The following MLLT3 variants were observed in gnomAD, a reference collection of about 807,000 sequenced individuals.
The protein encoded by MLLT3 is MLLT3 super elongation complex subunit, also known as protein AF-9.
In MLLT3, 4 loss-of-function variants were observed where a neutral mutation model predicts 53.2. The observed-to-expected ratio is 0.08, with a 90% CI of 0.04 to 0.17. The LOEUF is 0.17. Among genes scored for constraint, MLLT3 ranks in the 10% least tolerant of loss-of-function variants. The probability of loss-of-function intolerance (pLI) is 1.00; values close to 1 mark genes in which losing one functional copy is unlikely to be tolerated. For synonymous variants in MLLT3, 283 were observed against 230.6 expected (o/e 1.23, Z -2.06); for missense variants, 569 against 684.0 (o/e 0.83, Z 1.87).
chr9:20,520,946 C>T (rs781428433), intron 2 of MLLT3, among the ~76,000 whole-genome samples: 1 of 152,132 alleles, frequency 6.6e-6, no homozygotes, highest in Non-Finnish European at 1.5e-5. Context: ...GTGGAAAAGG[C>T]AGGATTTCTT....
At chr9:20,535,097 G>A (rs1261887301) in intron 2 of MLLT3, among the ~76,000 whole-genome samples, 2 of 152,104 alleles carry the variant, frequency 1.3e-5, no homozygotes, top group African/African-American at 2.4e-5. Context: ...TAGGTACGGG[G>A]CCACACGGCA....
Position 20,619,826 on chromosome 9 carries a change from T to G in MLLT3, c.193+828A>C, listed in dbSNP as rs79455049. 2.6e-5 allele frequency among the ~76,000 whole-genome samples: 4 copies of G among 152,300 alleles called. No individual in the cohort carries two copies. In the East Asian group the frequency reaches 7.7e-4, roughly 29 times the overall value. On this transcript the variant is annotated intron_variant, in intron 2 of 10. Coordinates refer to ENST00000380338, the MANE Select transcript of MLLT3 (RefSeq NM_004529.4). ...AATGTTTGGGACCACAGAGGCCCAG[T>G]AGGATTATGCAAACTAGACTCCAAG...
rs989407425 is a variant in MLLT3 at position 20,365,850 on chromosome 9, T to G, written c.1126-106A>C. ...AAACCATCCTCTGCAAAAACCGTGA[T>G]GCATTTCATTATGTCAAATTACTAA... On this transcript the variant is annotated intron_variant, in intron 5 of 10. Transcript: ENST00000380338. The G allele has an allele frequency of 1.8e-5, 19 of 1,058,606 alleles. No individual in the cohort carries two copies. The Admixed American group carries it at 4.1e-4, about 23-fold the overall frequency. The allele number at this position is 1,058,606 out of a possible 1,614,324, so 65.6% of individuals were successfully genotyped here.
At chr9:20,614,203 T>C (rs1369708879) in intron 2 of MLLT3, among the ~76,000 whole-genome samples, 2 of 152,186 alleles carry the variant, frequency 1.3e-5, no homozygotes, top group Non-Finnish European at 2.9e-5. Flanking sequence ...GAGACCAGCC[T>C]GGCCAACATG....
chr9:20,599,101 C>T (rs191102496), intron 2 of MLLT3, among the ~76,000 whole-genome samples: 4 of 152,142 alleles, frequency 2.6e-5, no homozygotes, highest in Admixed American at 1.3e-4. Context: ...GTCAAGAGAT[C>T]GAGACCATGC....
At chr9:20,366,762 T>G (rs907511723) in intron 5 of MLLT3, among the ~76,000 whole-genome samples, 4 of 152,210 alleles carry the variant, frequency 2.6e-5, no homozygotes, top group African/African-American at 4.8e-5. Flanking sequence ...GATATCTCAT[T>G]GTGGTTTTGA....
chr9:20,467,407 G>A (rs946867475), intron 2 of MLLT3, among the ~76,000 whole-genome samples: 5 of 152,010 alleles, frequency 3.3e-5, no homozygotes, highest in Admixed American at 6.6e-5. Context: ...GTGAAACCCC[G>A]TCTCTACTAA....
At chr9:20,597,499 C>T (rs1356879352) in intron 2 of MLLT3, among the ~76,000 whole-genome samples, 2 of 152,122 alleles carry the variant, frequency 1.3e-5, no homozygotes, top group South Asian at 2.1e-4. Flanking sequence ...AACAAATTTA[C>T]CTTCATATAC....
At chr9:20,542,356 T>G (rs1381872963) in intron 2 of MLLT3, among the ~76,000 whole-genome samples, 1 of 151,192 alleles carries the variant, frequency 6.6e-6, no homozygotes, top group African/African-American at 2.4e-5. Flanking sequence ...GTTCACGCCA[T>G]TCTCCTGCCT....
At chr9:20,535,778 C>A (rs1818466907) in intron 2 of MLLT3, among the ~76,000 whole-genome samples, 1 of 152,140 alleles carries the variant, frequency 6.6e-6, no homozygotes. Context: ...ACATGTCCCA[C>A]ATCCTCAATG....
chr9:20,449,130 TATGTATGC>T (rs762822620), intron 3 of MLLT3, among the ~76,000 whole-genome samples: 1 of 152,186 alleles, frequency 6.6e-6, no homozygotes, highest in African/African-American at 2.4e-5. Flanking sequence ...TCTCCTCTAC[TATGTATGC>T]ATCTTTCTCT....
chr9:20,350,558 G>A (rs1820993460), intron 10 of MLLT3, among the ~76,000 whole-genome samples: 1 of 143,310 alleles, frequency 7.0e-6, no homozygotes, highest in South Asian at 2.2e-4. Flanking sequence ...TCCCGCCACT[G>A]CACTCCAGCC....
chr9:20,597,608 C>G (rs905872050), intron 2 of MLLT3, among the ~76,000 whole-genome samples: 2 of 152,182 alleles, frequency 1.3e-5, no homozygotes, highest in Non-Finnish European at 2.9e-5. Context: ...TTCCATAACT[C>G]TTCTGAACAC....
At chr9:20,554,038 T>C (rs1818994451) in intron 2 of MLLT3, among the ~76,000 whole-genome samples, 1 of 152,190 alleles carries the variant, frequency 6.6e-6, no homozygotes, top group South Asian at 2.1e-4. Flanking sequence ...GACTAGTTTC[T>C]TCCACATAAG....
chr9:20,459,241 T>C (rs541484255), intron 2 of MLLT3, among the ~76,000 whole-genome samples: 1 of 152,226 alleles, frequency 6.6e-6, no homozygotes, highest in East Asian at 1.9e-4. Flanking sequence ...CAAACTGACA[T>C]CCGAAGAAGT....
chr9:20,540,759 C>T (rs182576215), intron 2 of MLLT3, among the ~76,000 whole-genome samples: 32 of 152,358 alleles, frequency 2.1e-4, no homozygotes, highest in Non-Finnish European at 1.5e-4. Context: ...AATGTCTTGG[C>T]TATTAACATT....
intron 2 of MLLT3, among the ~76,000 whole-genome samples, chr9:20,468,190 T>G (rs1824283048): frequency 6.6e-6 from 1 of 152,184 alleles, no homozygotes; most frequent in African/African-American, 2.4e-5. Context: ...AAACTAGAAA[T>G]CACTCAGTTA....
At chr9:20,555,390 A>T (rs1485914343) in intron 2 of MLLT3, among the ~76,000 whole-genome samples, 1 of 152,136 alleles carries the variant, frequency 6.6e-6, no homozygotes, top group Non-Finnish European at 1.5e-5. Flanking sequence ...TCCTGGGTTC[A>T]AACAGTTCTC....
At chr9:20,586,066 C>A (rs1819950861) in intron 2 of MLLT3, among the ~76,000 whole-genome samples, 1 of 152,094 alleles carries the variant, frequency 6.6e-6, no homozygotes, top group Non-Finnish European at 1.5e-5. Context: ...ATCTGTAATC[C>A]TAGCACTTCG....
Sources: gnomAD v4.1 joint callset for allele counts (sites outside exome capture counted in the v4.1 genomes callset) on GRCh38, gnomAD v4.1.1 for gene constraint, MANE v1.5 for transcripts, NCBI Gene and HGNC (gene_info 2026-07-23, HGNC 2026-07-21) for gene names.